The following GUCY1A2 variants were observed in gnomAD, a reference collection of about 807,000 sequenced individuals.
The protein encoded by GUCY1A2 is guanylate cyclase 1 soluble subunit alpha 2.
In GUCY1A2, 27 loss-of-function variants were observed where a neutral mutation model predicts 63.5. The observed-to-expected ratio is 0.43, with a 90% confidence interval of 0.31 to 0.59. The LOEUF (loss-of-function observed/expected upper bound fraction) is 0.59, where lower values mean the gene tolerates loss of function less well. GUCY1A2 is among the 20% of genes least tolerant of loss of function. The pLI, the probability that GUCY1A2 is intolerant of heterozygous loss-of-function variation, is 0.11. For synonymous variants in GUCY1A2, 364 were observed against 343.5 expected (o/e 1.06, Z -0.66); for missense variants, 768 against 913.3 (o/e 0.84, Z 2.05).
chr11:106,688,874 C>T (rs1591230656), intron 7 of GUCY1A2, among the ~76,000 whole-genome samples: 2 of 152,028 alleles, frequency 1.3e-5, no homozygotes, highest in African/African-American at 4.8e-5. Context: ...AAGTTTCTAA[C>T]CATATGATAG....
chr11:106,790,383 G>T (rs930273446), intron 5 of GUCY1A2, among the ~76,000 whole-genome samples: 1 of 152,036 alleles, frequency 6.6e-6, no homozygotes, highest in Non-Finnish European at 1.5e-5. Context: ...CTTATCCTTT[G>T]GGGCAATGGG....
At chr11:106,971,219 A>ATGTGTG (rs67190015) in intron 3 of GUCY1A2, among the ~76,000 whole-genome samples, 5,523 of 149,228 alleles carry the variant, frequency 0.037, 234 homozygotes, top group African/African-American at 0.11. Context: ...ACAAATTTAA[A>ATGTGTG]TGTGTGTGTG....
chr11:106,720,299 A>G (rs918850761), intron 6 of GUCY1A2, among the ~76,000 whole-genome samples: 2 of 152,124 alleles, frequency 1.3e-5, no homozygotes, highest in Non-Finnish European at 2.9e-5. Context: ...GTGAGGGGCA[A>G]TGGGACTCCA....
intron 4 of GUCY1A2, among the ~76,000 whole-genome samples, chr11:106,877,351 A>C (rs536863431): frequency 6.6e-6 from 1 of 152,072 alleles, no homozygotes; most frequent in Non-Finnish European, 1.5e-5. Context: ...GGACTAAGCA[A>C]AAATACCAAG....
chr11:106,985,069 GA>G (rs1329929409), intron 2 of GUCY1A2, among the ~76,000 whole-genome samples: 8 of 150,398 alleles, frequency 5.3e-5, no homozygotes, highest in Non-Finnish European at 8.9e-5. Context: ...TCTGTTCTGT[GA>G]AAAAAAAATC....
intron 5 of GUCY1A2, among the ~76,000 whole-genome samples, chr11:106,777,039 T>C (rs118047569): frequency 0.014 from 2,202 of 152,306 alleles, 20 homozygotes; most frequent in Admixed American, 0.028. Flanking sequence ...GGTCTGTTCT[T>C]TCTTACTCTT....
intron 4 of GUCY1A2, among the ~76,000 whole-genome samples, chr11:106,835,366 C>T (rs1859102667): frequency 6.6e-6 from 1 of 151,020 alleles, no homozygotes; most frequent in African/African-American, 2.4e-5. Flanking sequence ...CTAAAAATAC[C>T]GTAACATGTA....
At chr11:106,711,079 G>A (rs563550343) in intron 6 of GUCY1A2, among the ~76,000 whole-genome samples, 28 of 152,240 alleles carry the variant, frequency 1.8e-4, no homozygotes, top group Admixed American at 9.2e-4. Flanking sequence ...ATGGTAGAAA[G>A]AGTCAAGATA....
intron 3 of GUCY1A2, among the ~76,000 whole-genome samples, chr11:106,964,883 G>C (rs1336637784): frequency 6.6e-6 from 1 of 152,130 alleles, no homozygotes; most frequent in East Asian, 1.9e-4. Context: ...GGGAGGCTGA[G>C]GTAGGAGAAT....
rs972155799 is a variant in GUCY1A2, at chr11:106,870,295, G to A, written c.1207-59817C>T. ...ATAAAAAAACTACACCATAGCAGGT[G>A]CAACTTAGTTTCAGCAAACATTTAC... On this transcript the variant is annotated intron_variant, in intron 4 of 7. Transcript: ENST00000526355. Among the ~76,000 whole-genome samples the A allele has an allele frequency of 5.9e-5, 9 of 152,028 alleles. No homozygotes were observed. In the East Asian group the frequency reaches 1.5e-3, roughly 26 times the overall value.
chr11:106,822,343 ATTGT>A (rs1346471302), intron 4 of GUCY1A2, among the ~76,000 whole-genome samples: 2 of 151,996 alleles, frequency 1.3e-5, no homozygotes, highest in Admixed American at 6.6e-5. Context: ...TTCCACTATT[ATTGT>A]TTATTTATTT....
chr11:106,794,742 AC>A (rs568419500), intron 5 of GUCY1A2, among the ~76,000 whole-genome samples: 120 of 152,288 alleles, frequency 7.9e-4, no homozygotes, highest in African/African-American at 2.7e-3. Context: ...TAGTGTTATT[AC>A]CCAATGCCTA....
chr11:107,002,101 T>C lies in GUCY1A2; in HGVS notation c.303+15652A>G, dbSNP rs140850446. Among the ~76,000 whole-genome samples the C allele has an allele frequency of 8.8e-4, 133 of 151,838 alleles. 1 individual carries two copies. In the South Asian group the frequency reaches 0.01, roughly 12 times the overall value. On this transcript the variant is annotated intron_variant, in intron 1 of 7. Transcript: ENST00000526355. ...AATTTTGCAGTACATAAAATAGATA[T>C]AAATCCTTGCTTGATGAAATTGATT... is the stretch of plus-strand genomic sequence containing the variant.
At chr11:106,951,392 C>T (rs1047089472) in intron 3 of GUCY1A2, among the ~76,000 whole-genome samples, 3 of 152,222 alleles carry the variant, frequency 2.0e-5, no homozygotes, top group East Asian at 1.9e-4. Context: ...TCCACAGCCT[C>T]GCCAGCATCT....
rs1863936801 is a variant in GUCY1A2 at position 106,754,400 on chromosome 11, G to C, written c.1836+22039C>G. On this transcript the variant is annotated intron_variant, in intron 6 of 7. Coordinates refer to ENST00000526355, the MANE Select transcript of GUCY1A2 (RefSeq NM_000855.3). ...AGAGCTTCCAATACTATATTGAATA[G>C]GAGTGGTGAGAGAGGGCATCCCTGT... Among the ~76,000 whole-genome samples the C allele has an allele frequency of 4.6e-5, 7 of 152,272 alleles. No individual in the cohort carries two copies. The South Asian group carries it at 1.5e-3, about 32-fold the overall frequency.
rs560619469 is a variant in GUCY1A2, at chr11:106,857,036, A to G, written c.1207-46558T>C. 6.6e-5 allele frequency among the ~76,000 whole-genome samples: 10 copies of G among 152,336 alleles called. No homozygotes were observed. The East Asian group carries it at 1.9e-3, about 29-fold the overall frequency. The stretch of plus-strand genomic sequence containing the variant: ...GAATTACCTAAATGAGCTATTACAT[A>G]TCTACTTCTATGTCCAAACCTAGCA... On this transcript the variant is annotated intron_variant, in intron 4 of 7. Transcript: ENST00000526355.
rs12280814 is a variant in GUCY1A2, at chr11:106,684,598, C to T, written c.*2951G>A. On this transcript the variant is annotated 3_prime_UTR_variant, in exon 8 of 8. Coordinates refer to ENST00000526355, the MANE Select transcript of GUCY1A2 (RefSeq NM_000855.3). ...TCCATCAAAATAATCCTGATACCAACGTGATGCTTTGGTGCTAATGGCTAG... is the reference window on the plus strand; with the variant it reads ...TCCATCAAAATAATCCTGATACCAATGTGATGCTTTGGTGCTAATGGCTAG... The T allele has an allele frequency of 0.011, 2,153 of 200,146 alleles. 48 individuals carry two copies. The highest frequency in any genetic ancestry group is 0.046 in the African/African-American group (2,006 of 43,626). The allele number at this position is 200,146 out of a possible 1,614,324, so 12.4% of individuals were successfully genotyped here.
intron 3 of GUCY1A2, among the ~76,000 whole-genome samples, chr11:106,946,326 T>C (rs1376827151): frequency 6.6e-6 from 1 of 152,146 alleles, no homozygotes; most frequent in Non-Finnish European, 1.5e-5. Flanking sequence ...ATATTATGTA[T>C]ATGTCAACAT....
In GUCY1A2 at chr11:106,807,941, G is replaced by A. The variant is rs113244877; in HGVS notation, c.1692+2052C>T. 2.5e-4 allele frequency among the ~76,000 whole-genome samples: 38 copies of A among 152,204 alleles called. No individual in the cohort carries two copies. In the South Asian group the frequency reaches 2.9e-3, roughly 12 times the overall value. On this transcript the variant is annotated intron_variant, in intron 5 of 7. Coordinates refer to ENST00000526355, the MANE Select transcript of GUCY1A2 (RefSeq NM_000855.3). The stretch of plus-strand genomic sequence containing the variant: ...GTTTGCTCAGGGTTCTCAAGCCTTC[G>A]GCCACAGACTGAAGGCTGCACTGTT...
Sources: allele counts gnomAD v4.1 joint callset (sites outside exome capture counted in the v4.1 genomes callset), GRCh38; gene constraint gnomAD v4.1.1; transcripts MANE v1.5; gene names NCBI Gene and HGNC (gene_info 2026-07-23, HGNC 2026-07-21).